The following TNRC18 variants were observed in gnomAD, a reference collection of about 807,000 sequenced individuals.
TNRC18 encodes trinucleotide repeat containing 18.
A neutral mutation model predicts 226.7 loss-of-function variants in TNRC18; 69 were observed. That is an observed-to-expected ratio of 0.30 (90% CI 0.25 to 0.37). TNRC18 has a LOEUF of 0.37. Among genes scored for constraint, TNRC18 ranks in the 10% least tolerant of loss-of-function variants. The probability of loss-of-function intolerance (pLI) is 1.00; values close to 1 mark genes in which losing one functional copy is unlikely to be tolerated. For missense variants in TNRC18, 4,754 were observed against 4,256.6 expected (o/e 1.12, Z -3.25); for synonymous variants, 2,449 against 1,927.6 (o/e 1.27, Z -7.09).
At chr7:5,341,029 T>C (rs909245192) in intron 18 of TNRC18, among the ~76,000 whole-genome samples, 5 of 152,088 alleles carry the variant, frequency 3.3e-5, no homozygotes, top group Non-Finnish European at 7.4e-5. Flanking sequence ...AGCTGGGGAC[T>C]TTTAAGTTGA....
At chr7:5,349,718 C>G (rs1791582698) in intron 17 of TNRC18, among the ~76,000 whole-genome samples, 1 of 152,230 alleles carries the variant, frequency 6.6e-6, no homozygotes, top group Admixed American at 6.5e-5. Context: ...GAGACCAAAA[C>G]AGACATTCAA....
intron 18 of TNRC18, among the ~76,000 whole-genome samples, chr7:5,344,623 T>C (rs1245804816): frequency 1.3e-5 from 2 of 152,132 alleles, no homozygotes; most frequent in Non-Finnish European, 2.9e-5. Context: ...AATACCTGTT[T>C]TCCTGTCCTA....
chr7:5,377,266 C>A lies in TNRC18; in HGVS notation c.2461+105G>T. ...CGAATGCGGGAGGCAGGCCCAGGCC[C>A]CCCAGGAAACGGCAGGCAGGAGCCA... On this transcript the variant is annotated intron_variant, in intron 7 of 29. Transcript: ENST00000430969. The surrounding 1 kb of genome is among the most constrained non-coding windows in gnomAD (Gnocchi z 5.8). 7.9e-7 allele frequency: 1 copy of A among 1,269,016 alleles called. No individual in the cohort carries two copies. Among genetic ancestry groups the A allele is most frequent in the Admixed American group, 2.9e-5 (1 of 34,962 alleles). The allele number at this position is 1,269,016 out of a possible 1,614,324, so 78.6% of individuals were successfully genotyped here.
In TNRC18 at chr7:5,313,997, A is replaced by G. The variant is rs1787584921; in HGVS notation, c.7028-134T>C. On this transcript the variant is annotated intron_variant, in intron 26 of 29. Coordinates refer to ENST00000430969, the MANE Select transcript of TNRC18 (RefSeq NM_001080495.3). ...TTTTTTTTGAGATGGGGTCTCAGTCACCCAAGCTGGAATGCAGTGGCGTCA... is the reference window on the plus strand; with the variant it reads ...TTTTTTTTGAGATGGGGTCTCAGTCGCCCAAGCTGGAATGCAGTGGCGTCA... The G allele has an allele frequency of 5.9e-6, 6 of 1,010,412 alleles. 1 individual carries two copies. Among genetic ancestry groups the G allele is most frequent in the Admixed American group, 7.4e-5 (2 of 27,166 alleles). The allele number at this position is 1,010,412 out of a possible 1,614,324, so 62.6% of individuals were successfully genotyped here.
rs144919082 is a variant in TNRC18, at chr7:5,328,512, CTT to C, written c.6148-3266_6148-3265del. Among the ~76,000 whole-genome samples the C allele has an allele frequency of 6.8e-3, 979 of 143,008 alleles. 11 individuals are homozygous for C. Among genetic ancestry groups the C allele is most frequent in the African/African-American group, 0.02 (774 of 39,206 alleles). The allele number at this position is 143,008 out of a possible 152,430, so 93.8% of individuals were successfully genotyped here. ...GTGAGACCACCTTCCCCGCCGCCGC[CTT>C]TTTTTTTTTTTTGAGACAGAGTCTC... On this transcript the variant is annotated intron_variant, in intron 19 of 29. Transcript: ENST00000430969.
At position 5,345,803 on chromosome 7, in the gene TNRC18, G is replaced by A. The variant is rs1791127731; in HGVS notation, c.5478C>T (p.Ser1826=). Residue 1826 remains serine, a synonymous_variant, in exon 18 of 30, where the codon AGC becomes AGT. Coordinates refer to ENST00000430969, the MANE Select transcript of TNRC18 (RefSeq NM_001080495.3). ...SSEESFDQDE[S]SEEEDEEEEL... ...CCTCCTCCTCGTCCTCCTCCTCCGA[G>A]CTCTCATCTGGCGTGCAGAAAACAG... 1.3e-6 allele frequency: 2 copies of A among 1,542,792 alleles called. No homozygotes were observed. Among genetic ancestry groups the A allele is most frequent in the African/African-American group, 1.4e-5 (1 of 73,118 alleles).
At chr7:5,413,409 C>T (rs1036071463) in intron 2 of TNRC18, among the ~76,000 whole-genome samples, 8 of 152,204 alleles carry the variant, frequency 5.3e-5, no homozygotes, top group African/African-American at 1.9e-4. Context: ...CCTGCCCAAC[C>T]TCCAAAGGGC....
Position 5,316,087 on chromosome 7 carries a change from G to A in TNRC18, c.6746-15C>T, listed in dbSNP as rs545867661. ...GTCCAGTAACCCTGTGGGAAGAGGGGAGGCTCAGGGGAGGCCCTCGGACCT... is the reference window on the plus strand; with the variant it reads ...GTCCAGTAACCCTGTGGGAAGAGGGAAGGCTCAGGGGAGGCCCTCGGACCT... On this transcript the variant is annotated splice_polypyrimidine_tract_variant and intron_variant, in intron 24 of 29. Transcript: ENST00000430969. 6.2e-7 allele frequency: 1 copy of A among 1,605,552 alleles called. No individual in the cohort carries two copies. Among genetic ancestry groups the A allele is most frequent in the Non-Finnish European group, 8.5e-7 (1 of 1,174,734 alleles).
In TNRC18 at chr7:5,387,708, C is replaced by G; in HGVS notation, c.2116G>C (p.Asp706His). 6.2e-7 allele frequency: 1 copy of G among 1,605,738 alleles called. No individual in the cohort carries two copies. Among genetic ancestry groups the G allele is most frequent in the Non-Finnish European group, 8.5e-7 (1 of 1,179,854 alleles). Residue 706 changes from aspartate (D) to histidine (H), a missense_variant, in exon 5 of 30, where the codon GAC (aspartate) becomes CAC (histidine). Asp to His is a moderately conservative substitution (Grantham distance 81). Coordinates refer to ENST00000430969, the MANE Select transcript of TNRC18 (RefSeq NM_001080495.3). ...GSGRLGPGLV[D>H]QERSLSLSNV... The stretch of plus-strand genomic sequence containing the variant: ...CTCAGCGACAGAGAGCGCTCCTGGT[C>G]TACCAGCCCAGGCCCCAGCCGGCCA...
intron 24 of TNRC18, among the ~76,000 whole-genome samples, chr7:5,317,366 G>C (rs1295345164): frequency 1.3e-5 from 2 of 152,166 alleles, no homozygotes; most frequent in Non-Finnish European, 2.9e-5. Flanking sequence ...GAGAGAAGCA[G>C]ATCACCTGAG....
intron 24 of TNRC18, among the ~76,000 whole-genome samples, chr7:5,317,773 A>G (rs1165820914): frequency 6.6e-6 from 1 of 150,828 alleles, no homozygotes; most frequent in Non-Finnish European, 1.5e-5. Context: ...TGGCGCAATC[A>G]TAGCTCACTG....
intron 27 of TNRC18, among the ~76,000 whole-genome samples, chr7:5,311,017 C>T (rs970181734): frequency 1.3e-5 from 2 of 152,172 alleles, no homozygotes; most frequent in African/African-American, 4.8e-5. Flanking sequence ...TATGTGCCTA[C>T]GTTTGTGTAC....
At chr7:5,319,548 A>T (rs776567323) in intron 24 of TNRC18, among the ~76,000 whole-genome samples, 1 of 151,816 alleles carries the variant, frequency 6.6e-6, no homozygotes, top group South Asian at 2.1e-4. Flanking sequence ...TCACTCTGTC[A>T]CCCAGGCTAG....
At chr7:5,410,366 C>G in intron 2 of TNRC18, among the ~76,000 whole-genome samples, 1 of 149,900 alleles carries the variant, frequency 6.7e-6, no homozygotes, top group Non-Finnish European at 1.5e-5. Context: ...CCAGGAGACC[C>G]AGGATATCTA....
At chr7:5,333,925 G>A (rs1016886447) in intron 18 of TNRC18, among the ~76,000 whole-genome samples, 13 of 152,216 alleles carry the variant, frequency 8.5e-5, no homozygotes, top group Non-Finnish European at 1.6e-4. Context: ...ACCCTGGGAA[G>A]CAGATCCGAG....
chr7:5,336,996 T>A (rs906714549), intron 18 of TNRC18, among the ~76,000 whole-genome samples: 4 of 152,120 alleles, frequency 2.6e-5, no homozygotes, highest in Non-Finnish European at 4.4e-5. Context: ...CTTCCCAAAT[T>A]TGATGACAAA....
chr7:5,402,916 G>A (rs936727001), intron 2 of TNRC18, among the ~76,000 whole-genome samples: 1 of 151,860 alleles, frequency 6.6e-6, no homozygotes, highest in Admixed American at 6.6e-5. Context: ...CTGGAGGAAG[G>A]GTGCCCAGGC....
chr7:5,399,009 CAA>C (rs994625336), intron 2 of TNRC18, among the ~76,000 whole-genome samples: 7 of 152,164 alleles, frequency 4.6e-5, no homozygotes, highest in Admixed American at 4.6e-4. Context: ...CCGCAACTCA[CAA>C]AAGAGGCTCT....
intron 11 of TNRC18, among the ~76,000 whole-genome samples, chr7:5,365,986 G>A (rs989420699): frequency 2.6e-5 from 4 of 152,094 alleles, no homozygotes; most frequent in Non-Finnish European, 5.9e-5. Context: ...CAGGAGAGTC[G>A]CTTGAACCTG....
Sources: allele counts gnomAD v4.1 joint callset (sites outside exome capture counted in the v4.1 genomes callset), GRCh38; gene constraint gnomAD v4.1.1; non-coding constraint Gnocchi (gnomAD v3.1); transcripts MANE v1.5; gene names NCBI Gene and HGNC (gene_info 2026-07-23, HGNC 2026-07-21).